The following CAB39 variants were observed in gnomAD, a reference collection of about 807,000 sequenced individuals.
CAB39 encodes calcium-binding protein 39.
In CAB39, 8 loss-of-function variants were observed where a neutral mutation model predicts 40.0. The ratio of observed to expected loss-of-function variants is 0.20; its 90% CI spans 0.12 to 0.36. The LOEUF is 0.36. CAB39 is among the 10% of genes least tolerant of loss of function. The pLI is 1.00. For missense variants in CAB39, 270 were observed against 401.1 expected (o/e 0.67, Z 2.79); for synonymous variants, 156 against 141.6 (o/e 1.10, Z -0.72).
intron 1 of CAB39, among the ~76,000 whole-genome samples, chr2:230,748,831 A>AAAAAATATAT (rs1386799920): frequency 5.3e-4 from 15 of 28,498 alleles, no homozygotes; most frequent in South Asian, 1.6e-3. Context: ...AAAAAAAAAA[A>AAAAAATATAT]ATATATATAT....
At chr2:230,791,144 A>T (rs1367257275) in intron 3 of CAB39, 108 bp downstream of exon 3, 4 of 854,590 alleles carry the variant, frequency 4.7e-6, no homozygotes, top group Non-Finnish European at 7.0e-6. Flanking sequence ...CTCTTGGCTC[A>T]GGGTTACTGA....
chr2:230,793,976 C>G (rs1695934946), intron 4 of CAB39, among the ~76,000 whole-genome samples: 1 of 152,206 alleles, frequency 6.6e-6, no homozygotes. Context: ...TCCCTCATCC[C>G]TGAGCCTCAT....
chr2:230,747,017 C>A (rs1163221663), intron 1 of CAB39, among the ~76,000 whole-genome samples: 1 of 152,140 alleles, frequency 6.6e-6, no homozygotes, highest in Non-Finnish European at 1.5e-5. Flanking sequence ...GAGGGTCTTA[C>A]ACTTTTACTG....
At chr2:230,799,760 G>A (rs1337607906) in intron 5 of CAB39, among the ~76,000 whole-genome samples, 2 of 152,148 alleles carry the variant, frequency 1.3e-5, no homozygotes, top group Non-Finnish European at 2.9e-5. Flanking sequence ...AGAGGCTGAG[G>A]CGGGCGGATG....
chr2:230,728,940 A>G (rs1694635304), intron 1 of CAB39, among the ~76,000 whole-genome samples: 2 of 152,230 alleles, frequency 1.3e-5, no homozygotes, highest in African/African-American at 2.4e-5. Context: ...AGCCAAGAAC[A>G]TTCTAAGTAA....
intron 5 of CAB39, among the ~76,000 whole-genome samples, chr2:230,803,019 G>A (rs374803334): frequency 2.0e-5 from 3 of 151,984 alleles, no homozygotes; most frequent in South Asian, 2.1e-4. Flanking sequence ...AAATACTGGC[G>A]AACTGAATCC....
intron 5 of CAB39, among the ~76,000 whole-genome samples, chr2:230,800,639 G>C (rs1696073928): frequency 6.6e-6 from 1 of 152,152 alleles, no homozygotes; most frequent in Non-Finnish European, 1.5e-5. Flanking sequence ...TGGAAGGACA[G>C]CCAGGAGCCT....
intron 1 of CAB39, among the ~76,000 whole-genome samples, chr2:230,741,020 T>C (rs1694867198): frequency 1.3e-5 from 2 of 152,192 alleles, no homozygotes; most frequent in South Asian, 4.1e-4. Flanking sequence ...ATGGGGAGTA[T>C]GGGATCCAGT....
At chr2:230,793,090 G>A in intron 3 of CAB39, 123 bp from the exon 4 acceptor site, 1 of 610,804 alleles carries the variant, frequency 1.6e-6, no homozygotes, top group Non-Finnish European at 3.0e-6. Context: ...CTATGAATGT[G>A]TTAAAGTCAG....
intron 4 of CAB39, 89 bp from the exon 5 acceptor site, chr2:230,798,640 C>G (rs1696032332): frequency 4.5e-6 from 5 of 1,102,434 alleles, no homozygotes; most frequent in Non-Finnish European, 2.6e-6. Flanking sequence ...TGAAAACTGT[C>G]TTTGGCCTGA....
At chr2:230,774,214 C>G (rs1695544641) in intron 2 of CAB39, among the ~76,000 whole-genome samples, 1 of 152,136 alleles carries the variant, frequency 6.6e-6, no homozygotes, top group Non-Finnish European at 1.5e-5. Flanking sequence ...TGTCCCTGGG[C>G]TTTTTCCATC....
intron 4 of CAB39, 83 bp downstream of exon 4, chr2:230,793,414 G>A (rs985816177): frequency 6.7e-6 from 4 of 599,478 alleles, no homozygotes; most frequent in Admixed American, 2.8e-5. Context: ...GATGCTGAAT[G>A]TGGGAAGCAT....
chr2:230,713,674 T>G (rs922674809), intron 1 of CAB39: 2 of 152,256 alleles, frequency 1.3e-5, no homozygotes, highest in African/African-American at 4.8e-5. Context: ...TGTGACCAAT[T>G]CAGGAAAATG....
intron 2 of CAB39, among the ~76,000 whole-genome samples, chr2:230,770,476 C>G (rs551829480): frequency 6.6e-6 from 1 of 152,202 alleles, no homozygotes; most frequent in African/African-American, 2.4e-5. Context: ...AGTGAAGACT[C>G]TAGGCCCAGA....
chr2:230,801,109 G>A (rs566404030), intron 5 of CAB39, among the ~76,000 whole-genome samples: 4 of 152,300 alleles, frequency 2.6e-5, no homozygotes, highest in African/African-American at 9.6e-5. Flanking sequence ...GCTCCTTATT[G>A]CATGGAAAGG....
intron 5 of CAB39, among the ~76,000 whole-genome samples, chr2:230,804,068 A>G (rs1696143914): frequency 6.6e-6 from 1 of 152,238 alleles, no homozygotes; most frequent in Non-Finnish European, 1.5e-5. Context: ...CCAATGGAAC[A>G]GAACAGAGGC....
intron 1 of CAB39, among the ~76,000 whole-genome samples, chr2:230,742,177 T>G (rs1694889614): frequency 6.6e-6 from 1 of 152,048 alleles, no homozygotes; most frequent in African/African-American, 2.4e-5. Context: ...GTTTGTTTGT[T>G]TGTTTGTTTG....
intron 5 of CAB39, among the ~76,000 whole-genome samples, chr2:230,804,663 T>C (rs541589404): frequency 6.6e-6 from 1 of 152,200 alleles, no homozygotes; most frequent in Non-Finnish European, 1.5e-5. Context: ...TCATCTCTGG[T>C]CATCAGAGAA....
chr2:230,775,262 ACT>A (rs1304537609), intron 2 of CAB39, among the ~76,000 whole-genome samples: 1 of 149,092 alleles, frequency 6.7e-6, no homozygotes, highest in Non-Finnish European at 1.5e-5. Context: ...TTTGAAACAG[ACT>A]CTAGCTCTGT....
Sources: gnomAD v4.1 joint callset for allele counts (sites outside exome capture counted in the v4.1 genomes callset) on GRCh38, gnomAD v4.1.1 for gene constraint, MANE v1.5 for transcripts, NCBI Gene and HGNC (gene_info 2026-07-23, HGNC 2026-07-21) for gene names.